CREB3L3: variants seen among roughly 807,000 people sequenced by gnomAD.
CREB3L3 encodes the protein cyclic AMP-responsive element-binding protein 3-like protein 3.
CREB3L3 carries 40 observed loss-of-function variants against 44.6 expected under a neutral mutation model. The ratio of observed to expected loss-of-function variants is 0.90; its 90% CI spans 0.70 to 1.17. The LOEUF is 1.17. Among genes scored for constraint, CREB3L3 ranks in the 50% most tolerant of loss-of-function variants. The probability of loss-of-function intolerance (pLI) is 0.00; values close to 1 mark genes in which losing one functional copy is unlikely to be tolerated. For synonymous variants in CREB3L3, 273 were observed against 256.3 expected (o/e 1.06, Z -0.62); for missense variants, 578 against 595.8 (o/e 0.97, Z 0.31).
At chr19:4,159,414 G>C (rs931979581) in intron 3 of CREB3L3, among the ~76,000 whole-genome samples, 1 of 110,740 alleles carries the variant, frequency 9.0e-6, no homozygotes, top group Non-Finnish European at 2.1e-5. Context: ...GCCTCCCAAA[G>C]TGCTGGGAAT....
chr19:4,155,701 T>C (rs2041562948), intron 2 of CREB3L3, among the ~76,000 whole-genome samples: 1 of 150,024 alleles, frequency 6.7e-6, no homozygotes, highest in Non-Finnish European at 1.5e-5. Context: ...TCTCTTTCCT[T>C]CCTTCCTTCC....
intron 5 of CREB3L3, among the ~76,000 whole-genome samples, chr19:4,167,334 A>G (rs866050732): frequency 1.2e-5 from 1 of 82,612 alleles, no homozygotes; most frequent in Admixed American, 1.3e-4. Flanking sequence ...CAAGAGCGAA[A>G]CAAGAAAGAA....
chr19:4,170,553 C>T (rs946916496), intron 7 of CREB3L3, among the ~76,000 whole-genome samples: 17 of 148,924 alleles, frequency 1.1e-4, no homozygotes, highest in Admixed American at 9.4e-4. Flanking sequence ...CGGAGGTTGC[C>T]GTGAGCCGAG....
At chr19:4,160,455 T>G (rs2041644243) in intron 4 of CREB3L3, among the ~76,000 whole-genome samples, 1 of 151,244 alleles carries the variant, frequency 6.6e-6, no homozygotes, top group African/African-American at 2.4e-5. Flanking sequence ...CACTGCAGCC[T>G]CAAACTCCTG....
chr19:4,163,089 C>T (rs926419955), intron 4 of CREB3L3, among the ~76,000 whole-genome samples: 4 of 152,086 alleles, frequency 2.6e-5, no homozygotes, highest in Non-Finnish European at 5.9e-5. Flanking sequence ...GGGCAGATCA[C>T]GAGGTCAGGA....
At position 4,171,736 on chromosome 19, in the gene CREB3L3, C is replaced by T. The variant is rs753953218; in HGVS notation, c.1153C>T (p.Arg385Ter). ...AVPGSEAPGP[R>*]PEADTTREES... Reference sequence around the variant, plus strand: ...GCCAGGCTCCGAGGCCCCAGGACCCCGACCCGAGGCTGACACAACCCGAGA... The same window carrying T: ...GCCAGGCTCCGAGGCCCCAGGACCCTGACCCGAGGCTGACACAACCCGAGA... Residue 385 changes from arginine to a stop codon, truncating the protein, a stop_gained, in exon 10 of 10, where the codon CGA (arginine) becomes TGA (stop). Coordinates refer to ENST00000078445, the MANE Select transcript of CREB3L3 (RefSeq NM_032607.3). LOFTEE classifies it low-confidence loss of function (END_TRUNC). The surrounding 1 kb of genome is among the most constrained non-coding windows in gnomAD (Gnocchi z 4.9). 10 of 1,613,148 alleles carry T rather than the reference C, an allele frequency of 6.2e-6. No individual in the cohort carries two copies. The highest frequency in any genetic ancestry group is 1.7e-5 in the Admixed American group (1 of 59,988).
At chr19:4,157,945 A>G (rs953423722) in intron 3 of CREB3L3, among the ~76,000 whole-genome samples, 1 of 151,836 alleles carries the variant, frequency 6.6e-6, no homozygotes, top group Non-Finnish European at 1.5e-5. Context: ...TCAGCCTCCC[A>G]AAGTGCTGAG....
intron 6 of CREB3L3, 47 bp downstream of exon 6, chr19:4,168,504 G>T: frequency 6.8e-7 from 1 of 1,461,980 alleles, no homozygotes; most frequent in Non-Finnish European, 9.4e-7. Flanking sequence ...GGAAACTGAG[G>T]CCCAGAGAGA....
At chr19:4,154,563 TA>T (rs1450475772) in intron 1 of CREB3L3, among the ~76,000 whole-genome samples, 2 of 151,862 alleles carry the variant, frequency 1.3e-5, no homozygotes, top group African/African-American at 2.4e-5. Context: ...GCAGTAGGGA[TA>T]GGGGTCTCTA....
Position 4,168,354 on chromosome 19 carries a change from G to T in CREB3L3, c.718G>T (p.Glu240Ter), listed in dbSNP as rs778428363. Residue 240 changes from glutamate to a stop codon, truncating the protein, a stop_gained, in exon 6 of 10, where the codon GAG becomes TAG. Transcript: ENST00000078445. LOFTEE classifies it high-confidence loss of function. The stretch of plus-strand genomic sequence containing the variant: ...TCCTCCCCATTTCACTTGGCAGTAC[G>T]AGGAGCGAGTGCTGAAAAAAATCCG... ...LPTQLPLTKY[E>*]ERVLKKIRRK... is the part of the protein sequence containing the mutation. The T allele has an allele frequency of 1.2e-6, 2 of 1,608,378 alleles. No homozygotes were observed. The highest frequency in any genetic ancestry group is 1.7e-5 in the Admixed American group (1 of 59,752).
rs1280097687 is a variant in CREB3L3 at position 4,171,269 on chromosome 19, CCAG to C, written c.975+96_975+98del. The stretch of plus-strand genomic sequence containing the variant: ...AATGAGTCCAAGCTCTCCTTGTGCC[CCAG>C]CTCAAGTATGATCCAGTCTGGTCTT... On this transcript the variant is annotated intron_variant, in intron 8 of 9. Coordinates refer to ENST00000078445, the MANE Select transcript of CREB3L3 (RefSeq NM_032607.3). The surrounding 1 kb of genome is among the most constrained non-coding windows in gnomAD (Gnocchi z 4.9). 2 of 1,447,284 alleles carry C rather than the reference CCAG, an allele frequency of 1.4e-6. No individual in the cohort carries two copies. The highest frequency in any genetic ancestry group is 1.4e-5 in the African/African-American group (1 of 71,402). The allele number at this position is 1,447,284 out of a possible 1,614,324, so 89.7% of individuals were successfully genotyped here. A position where few individuals can be genotyped will look rare whatever the true frequency, so the allele number is the denominator to read the frequency against.
chr19:4,166,989 C>T lies in CREB3L3; in HGVS notation c.715-1362C>T, dbSNP rs140714313. The stretch of plus-strand genomic sequence containing the variant: ...TTATGCGATCCTCTTGCCTTGGCCT[C>T]CCAAAGTGCTGGGATTACAGCACTG... On this transcript the variant is annotated intron_variant, in intron 5 of 9. Transcript: ENST00000078445. Among the ~76,000 whole-genome samples, 890 of 152,244 alleles carry T rather than the reference C, an allele frequency of 5.8e-3. 4 individuals carry two copies. Among genetic ancestry groups the T allele is most frequent in the Middle Eastern group, 0.014 (4 of 294 alleles).
chr19:4,163,513 G>A (rs2041688323), intron 4 of CREB3L3, among the ~76,000 whole-genome samples: 1 of 152,070 alleles, frequency 6.6e-6, no homozygotes, highest in African/African-American at 2.4e-5. Flanking sequence ...GAGATTCTGT[G>A]GTGGCAGGAG....
In CREB3L3 at chr19:4,164,613, C is replaced by G. The variant is rs756186497; in HGVS notation, c.687C>G (p.Thr229=). ...AGCTGCTGGCTAAAGAAGGCATCAC[C>G]CTGCCCACTCAGCTGCCCCTCACTA... is the stretch of plus-strand genomic sequence containing the variant. ...EKKLLAKEGI[T]LPTQLPLTKY... Residue 229 remains threonine (T), a synonymous_variant, in exon 5 of 10, where the codon ACC becomes ACG. Coordinates refer to ENST00000078445, the MANE Select transcript of CREB3L3 (RefSeq NM_032607.3). The G allele has an allele frequency of 6.8e-6, 11 of 1,613,982 alleles. No homozygotes were observed. In the East Asian group the frequency reaches 2.2e-4, roughly 33 times the overall value.
In CREB3L3 at chr19:4,154,986, C is replaced by A. The variant is rs2041553359; in HGVS notation, c.115C>A (p.His39Asn). 4 of 1,612,312 alleles carry A rather than the reference C, an allele frequency of 2.5e-6. No individual in the cohort carries two copies. The South Asian group carries it at 4.4e-5, about 18-fold the overall frequency. The change falls in exon 2 of 10, where the codon CAC (histidine) becomes AAC (asparagine). Residue 39 changes from histidine (H) to asparagine (N), a missense_variant. By Grantham distance (68) the His-to-Asn change is moderately conservative. Coordinates refer to ENST00000078445, the MANE Select transcript of CREB3L3 (RefSeq NM_032607.3). ...LFDRQDGILR[H>N]VELGEGWGHV... The stretch of plus-strand genomic sequence containing the variant: ...TGACCGGCAGGACGGCATCCTGAGA[C>A]ACGTGGAGCTGGGCGAGGGCTGGGG...
At position 4,155,026 on chromosome 19, in the gene CREB3L3, A is replaced by T; in HGVS notation, c.155A>T (p.Gln52Leu). ...LGEGWGHVKD[Q>L]QVLPNPDSDD... ...GAGGGCTGGGGTCACGTCAAGGACC[A>T]GGTGAGGAGTCCACTGCAGTTGCCC... Residue 52 changes from glutamine to leucine, a missense_variant and splice_region_variant, in exon 2 of 10, where the codon CAG becomes CTG. Physicochemically the swap from Gln to Leu is moderately radical, Grantham distance 113. Transcript: ENST00000078445. 1.9e-6 allele frequency: 3 copies of T among 1,606,366 alleles called. No homozygotes were observed. The highest frequency in any genetic ancestry group is 2.5e-6 in the Non-Finnish European group (3 of 1,179,940).
Position 4,171,216 on chromosome 19 carries a change from T to A in CREB3L3, c.975+41T>A. 6.4e-7 allele frequency: 1 copy of A among 1,566,706 alleles called. No homozygotes were observed. Among genetic ancestry groups the A allele is most frequent in the Non-Finnish European group, 8.8e-7 (1 of 1,136,950 alleles). Reference sequence around the variant, plus strand: ...CCCAGGCAAGCCGGGGACCTAGGCTTCTGTAGAGGGGCCCATAGGGAGGTG... The same window carrying A: ...CCCAGGCAAGCCGGGGACCTAGGCTACTGTAGAGGGGCCCATAGGGAGGTG... On this transcript the variant is annotated intron_variant, in intron 8 of 9. Coordinates refer to ENST00000078445, the MANE Select transcript of CREB3L3 (RefSeq NM_032607.3). The surrounding 1 kb of genome is among the most constrained non-coding windows in gnomAD (Gnocchi z 4.9).
chr19:4,164,538 A>G lies in CREB3L3; in HGVS notation c.612A>G (p.Arg204=), dbSNP rs749541739. 1.2e-6 allele frequency: 2 copies of G among 1,614,014 alleles called. No homozygotes were observed. The highest frequency in any genetic ancestry group is 3.3e-5 in the Admixed American group (2 of 59,992). ...QHHLGASYLL[R]PGAGHCQELV... The stretch of plus-strand genomic sequence containing the variant: ...ACCTGGGGGCCTCCTACCTCCTGCG[A>G]CCTGGGGCTGGGCACTGTCAGGAGC... The change falls in exon 5 of 10, where the codon CGA becomes CGG. Residue 204 remains arginine, a synonymous_variant. Coordinates refer to ENST00000078445, the MANE Select transcript of CREB3L3 (RefSeq NM_032607.3).
At position 4,171,374 on chromosome 19, in the gene CREB3L3, C is replaced by T; in HGVS notation, c.976-9C>T. On this transcript the variant is annotated splice_polypyrimidine_tract_variant and intron_variant, in intron 8 of 9. Coordinates refer to ENST00000078445, the MANE Select transcript of CREB3L3 (RefSeq NM_032607.3). This position sits in a 1 kb window ranked among gnomAD's most constrained non-coding sequence, Gnocchi z 4.9. ...AGGGAGGGGGTGACTCTGCCGCTGT[C>T]TCCACCAGGTCCTGTTGCTGTCCTT... The T allele has an allele frequency of 1.9e-6, 3 of 1,613,756 alleles. No individual in the cohort carries two copies.
Sources: allele counts gnomAD v4.1 joint callset (sites outside exome capture counted in the v4.1 genomes callset), GRCh38; gene constraint gnomAD v4.1.1; non-coding constraint Gnocchi (gnomAD v3.1); transcripts MANE v1.5; gene names NCBI Gene and HGNC (gene_info 2026-07-23, HGNC 2026-07-21).